Variants in MAGI2 observed in about 807,000 individuals in gnomAD.
MAGI2 encodes the protein membrane associated guanylate kinase, WW and PDZ domain containing 2, also known as membrane-associated guanylate kinase, WW and PDZ domain-containing protein 2.
Under a neutral mutation model 133.3 loss-of-function variants are expected in MAGI2, and 35 were observed. That is an observed-to-expected ratio of 0.26 (90% CI 0.20 to 0.35). MAGI2 has a LOEUF of 0.35. Ranked by LOEUF, MAGI2 falls within the 10% of genes least tolerant of loss-of-function variation. MAGI2 has a pLI of 1.00. For synonymous variants in MAGI2, 729 were observed against 710.6 expected, an observed-to-expected ratio of 1.03 and a Z score of -0.41; for missense variants, 1,636 against 1,863.4, an observed-to-expected ratio of 0.88 and a Z score of 2.25.
In MAGI2 at chr7:78,516,253, G is replaced by T. The variant is rs368540032; in HGVS notation, c.754+5177C>A. Among the ~76,000 whole-genome samples the T allele has an allele frequency of 7.4e-4, 112 of 152,316 alleles. 2 individuals are homozygous for T. In the South Asian group the frequency reaches 0.023, roughly 32 times the overall value. On this transcript the variant is annotated intron_variant, in intron 4 of 21. Coordinates refer to ENST00000354212, the MANE Select transcript of MAGI2 (RefSeq NM_012301.4). ...AGCCCGTGCTAACAGAGATGTTCTT[G>T]TCAAATGTAACAGGACCTGAGTTGC...
At chr7:78,470,445 A>T (rs938852696) in intron 6 of MAGI2, among the ~76,000 whole-genome samples, 1 of 152,074 alleles carries the variant, frequency 6.6e-6, no homozygotes, top group African/African-American at 2.4e-5. Context: ...TCCTTTATTT[A>T]GTGGTGGGGA....
intron 1 of MAGI2, among the ~76,000 whole-genome samples, chr7:79,360,681 G>A (rs1465906547): frequency 6.6e-6 from 1 of 151,962 alleles, no homozygotes; most frequent in African/African-American, 2.4e-5. Context: ...GTAACACCCA[G>A]AGCAGCCACC....
At chr7:78,465,922 G>A (rs1393076101) in intron 6 of MAGI2, among the ~76,000 whole-genome samples, 4 of 152,112 alleles carry the variant, frequency 2.6e-5, no homozygotes, top group Non-Finnish European at 5.9e-5. Context: ...AAGCAAGACA[G>A]GAAAATACAG....
chr7:78,417,847 T>C (rs951558621), intron 6 of MAGI2, among the ~76,000 whole-genome samples: 4 of 152,178 alleles, frequency 2.6e-5, no homozygotes, highest in Non-Finnish European at 5.9e-5. Flanking sequence ...AATTTTTCTT[T>C]TCATACTTAA....
In MAGI2 at chr7:78,308,847, G is replaced by T. The variant is rs928537866; in HGVS notation, c.1408+34931C>A. On this transcript the variant is annotated intron_variant, in intron 9 of 21. Coordinates refer to ENST00000354212, the MANE Select transcript of MAGI2 (RefSeq NM_012301.4). ...TATACTATGGGGCTTAGAATTATCAGATAGACATAATACATAGTTTATCTG... is the reference window on the plus strand; with the variant it reads ...TATACTATGGGGCTTAGAATTATCATATAGACATAATACATAGTTTATCTG... Among the ~76,000 whole-genome samples the T allele has an allele frequency of 5.9e-5, 9 of 152,152 alleles. No individual in the cohort carries two copies. In the South Asian group the frequency reaches 1.9e-3, roughly 32 times the overall value.
intron 6 of MAGI2, among the ~76,000 whole-genome samples, chr7:78,446,120 C>T (rs891110231): frequency 1.3e-5 from 2 of 150,034 alleles, no homozygotes; most frequent in East Asian, 3.9e-4. Flanking sequence ...TTATGTTTCT[C>T]TGAATTTTTT....
chr7:78,619,880 C>T (rs575864061), intron 3 of MAGI2, among the ~76,000 whole-genome samples: 1 of 152,078 alleles, frequency 6.6e-6, no homozygotes, highest in East Asian at 1.9e-4. Flanking sequence ...AGTAAACGGT[C>T]AGTGTTCCTA....
At chr7:78,261,167 T>G (rs370463170) in intron 9 of MAGI2, among the ~76,000 whole-genome samples, 1 of 152,134 alleles carries the variant, frequency 6.6e-6, no homozygotes, top group African/African-American at 2.4e-5. Flanking sequence ...TCAAACTACT[T>G]GATCTCTTGA....
chr7:79,208,341 A>G (rs1829234756), intron 1 of MAGI2, among the ~76,000 whole-genome samples: 1 of 152,012 alleles, frequency 6.6e-6, no homozygotes, highest in African/African-American at 2.4e-5. Flanking sequence ...CAACAGCAAG[A>G]AAAGAAACAA....
At chr7:78,490,685 A>G (rs1200460821) in intron 5 of MAGI2, among the ~76,000 whole-genome samples, 1 of 152,086 alleles carries the variant, frequency 6.6e-6, no homozygotes, top group Non-Finnish European at 1.5e-5. Flanking sequence ...GGGCTACACA[A>G]TCTCCATCAC....
intron 2 of MAGI2, among the ~76,000 whole-genome samples, chr7:78,956,870 G>A (rs1802419558): frequency 6.6e-6 from 1 of 152,162 alleles, no homozygotes; most frequent in African/African-American, 2.4e-5. Context: ...AAATGTCAAA[G>A]GCACAGGGCT....
chr7:78,086,325 C>T lies in MAGI2; in HGVS notation c.3568-7240G>A, dbSNP rs116075008. ...CGATCTTGGCCCAGTGCAACCTCCA[C>T]TTCCTAGGTTTGAGTGATTATCCTG... On this transcript the variant is annotated intron_variant, in intron 20 of 21. Coordinates refer to ENST00000354212, the MANE Select transcript of MAGI2 (RefSeq NM_012301.4). Among the ~76,000 whole-genome samples the T allele has an allele frequency of 4.5e-3, 673 of 150,604 alleles. 5 individuals are homozygous for T. Among genetic ancestry groups the T allele is most frequent in the African/African-American group, 0.016 (650 of 41,058 alleles).
intron 1 of MAGI2, among the ~76,000 whole-genome samples, chr7:79,136,027 A>AAGAG (rs1821446728): frequency 1.6e-5 from 2 of 123,016 alleles, no homozygotes; most frequent in Non-Finnish European, 1.6e-5. Flanking sequence ...GAAAGAAAGA[A>AAGAG]GGAAAGAAAG....
intron 2 of MAGI2, among the ~76,000 whole-genome samples, chr7:78,662,801 C>T (rs1254097868): frequency 1.3e-5 from 2 of 152,132 alleles, no homozygotes; most frequent in Admixed American, 1.3e-4. Flanking sequence ...ATGTGAAATG[C>T]ATTTGTATCT....
At chr7:78,535,565 A>T (rs753090575) in intron 3 of MAGI2, among the ~76,000 whole-genome samples, 1 of 143,292 alleles carries the variant, frequency 7.0e-6, no homozygotes, top group Non-Finnish European at 1.5e-5. Context: ...TCCTGACTCC[A>T]TCTTGCCTTT....
At chr7:78,549,138 A>T (rs1799122220) in intron 3 of MAGI2, among the ~76,000 whole-genome samples, 1 of 152,166 alleles carries the variant, frequency 6.6e-6, no homozygotes, top group Non-Finnish European at 1.5e-5. Flanking sequence ...CACTCTTGGT[A>T]AACAAAAAAT....
chr7:79,430,727 T>A (rs1847721258), intron 1 of MAGI2, among the ~76,000 whole-genome samples: 1 of 152,208 alleles, frequency 6.6e-6, no homozygotes, highest in African/African-American at 2.4e-5. Flanking sequence ...ATATATTACA[T>A]GTGCATAGAA....
intron 20 of MAGI2, among the ~76,000 whole-genome samples, chr7:78,100,818 A>G (rs1239313451): frequency 6.6e-6 from 1 of 152,234 alleles, no homozygotes; most frequent in Admixed American, 6.5e-5. Context: ...AGAATTTACC[A>G]GAAAAGCTGT....
At chr7:79,399,090 C>CTTTT (rs1337058211) in intron 1 of MAGI2, among the ~76,000 whole-genome samples, 1 of 101,440 alleles carries the variant, frequency 9.9e-6, no homozygotes, top group African/African-American at 5.1e-5. Context: ...TTTTTTTTTT[C>CTTTT]TTTTCTTTTT....
Sources: gnomAD v4.1 joint callset for allele counts (sites outside exome capture counted in the v4.1 genomes callset) on GRCh38, gnomAD v4.1.1 for gene constraint, MANE v1.5 for transcripts, NCBI Gene and HGNC (gene_info 2026-07-23, HGNC 2026-07-21) for gene names.